The following TCF7L1 variants were observed in gnomAD, a reference collection of about 807,000 sequenced individuals.
TCF7L1 encodes the protein transcription factor 7-like 1.
A neutral mutation model predicts 63.7 loss-of-function variants in TCF7L1; 18 were observed. The observed-to-expected ratio is 0.28, with a 90% CI of 0.20 to 0.42. TCF7L1 has a LOEUF of 0.42. TCF7L1 is among the 10% of genes least tolerant of loss of function. TCF7L1 has a pLI of 1.00. For missense variants in TCF7L1, 654 were observed against 779.3 expected, an observed-to-expected ratio of 0.84 and a Z score of 1.91; for synonymous variants, 355 against 340.9, an observed-to-expected ratio of 1.04 and a Z score of -0.46.
rs369880342 is a variant in TCF7L1 at position 85,133,939 on chromosome 2, G to A, written c.249+6G>A. ...GCAGCAGCTCGGACTCGGAGGTAAG[G>A]AAGCACCGCGGCCACCCCCGGGGGA... is the stretch of plus-strand genomic sequence containing the variant. On this transcript the variant is annotated splice_donor_region_variant and intron_variant, in intron 1 of 11. Coordinates refer to ENST00000282111, the MANE Select transcript of TCF7L1 (RefSeq NM_031283.3). This position sits in a 1 kb window ranked among gnomAD's most constrained non-coding sequence, Gnocchi z 4.4. The A allele has an allele frequency of 1.1e-4, 172 of 1,543,618 alleles. No homozygotes were observed. Among genetic ancestry groups the A allele is most frequent in the South Asian group, 2.1e-4 (17 of 82,280 alleles).
At chr2:85,226,273 G>A (rs929010188) in intron 3 of TCF7L1, among the ~76,000 whole-genome samples, 2 of 152,180 alleles carry the variant, frequency 1.3e-5, no homozygotes, top group Non-Finnish European at 2.9e-5. Context: ...TTTGGTATCA[G>A]GATGATGCTG....
chr2:85,305,746 T>C (rs1219216795), intron 8 of TCF7L1, among the ~76,000 whole-genome samples: 1 of 152,142 alleles, frequency 6.6e-6, no homozygotes, highest in African/African-American at 2.4e-5. Flanking sequence ...TAAGGACTTG[T>C]GGTGGGCTGG....
Position 85,309,085 on chromosome 2 carries a change from C to T in TCF7L1, c.1390C>T (p.Pro464Ser), listed in dbSNP as rs1226557201. The change falls in exon 12 of 12, where the codon CCC (proline) becomes TCC (serine). Residue 464 changes from proline to serine, a missense_variant. By Grantham distance (74) the Pro-to-Ser change is moderately conservative (BLOSUM62 -1). Transcript: ENST00000282111. ...TGTTCAGTACCTGCCCCCCGAGAAG[C>T]CCTGTGACAGCCCTGCCTCCTCCCA... ...PCVQYLPPEKPCDSPASSHGS... is the reference protein window; with the variant it reads ...PCVQYLPPEKSCDSPASSHGS... The T allele has an allele frequency of 6.2e-7, 1 of 1,613,644 alleles. No individual in the cohort carries two copies. The highest frequency in any genetic ancestry group is 2.2e-5 in the East Asian group (1 of 44,870).
At position 85,182,777 on chromosome 2, in the gene TCF7L1, C is replaced by G. The variant is rs1045099329; in HGVS notation, c.441+48327C>G. On this transcript the variant is annotated intron_variant, in intron 3 of 11. Coordinates refer to ENST00000282111, the MANE Select transcript of TCF7L1 (RefSeq NM_031283.3). Reference sequence around the variant, plus strand: ...TCTGCATCAGCACTGCCTGTTCATTCAGGAACCCAGATCTCCCTGTCTAAG... The same window carrying G: ...TCTGCATCAGCACTGCCTGTTCATTGAGGAACCCAGATCTCCCTGTCTAAG... 3.3e-5 allele frequency among the ~76,000 whole-genome samples: 5 copies of G among 152,268 alleles called. No individual in the cohort carries two copies. The South Asian group carries it at 1.0e-3, about 31-fold the overall frequency.
At chr2:85,220,800 A>G (rs1679824576) in intron 3 of TCF7L1, among the ~76,000 whole-genome samples, 1 of 152,242 alleles carries the variant, frequency 6.6e-6, no homozygotes, top group South Asian at 2.1e-4. Context: ...GGTGCTTAAA[A>G]GAGAGAGAAT....
chr2:85,206,568 A>C (rs2104284477), intron 3 of TCF7L1, among the ~76,000 whole-genome samples: 1 of 152,332 alleles, frequency 6.6e-6, no homozygotes, highest in Non-Finnish European at 1.5e-5. Context: ...GTAATCTCAC[A>C]GCTAGCATGT....
At chr2:85,307,424 AC>A (rs776254846) in intron 10 of TCF7L1, among the ~76,000 whole-genome samples, 10 of 151,986 alleles carry the variant, frequency 6.6e-5, no homozygotes, top group Non-Finnish European at 1.2e-4. Context: ...AGGCCTGGAC[AC>A]CCGACCTGGA....
intron 3 of TCF7L1, among the ~76,000 whole-genome samples, chr2:85,198,134 A>G (rs1444434922): frequency 6.6e-6 from 1 of 152,216 alleles, no homozygotes; most frequent in Non-Finnish European, 1.5e-5. Context: ...AAGTTGACCA[A>G]CAACCTTCAG....
rs140666800 is a variant in TCF7L1 at position 85,262,524 on chromosome 2, A to G, written c.442-20971A>G. On this transcript the variant is annotated intron_variant, in intron 3 of 11. Coordinates refer to ENST00000282111, the MANE Select transcript of TCF7L1 (RefSeq NM_031283.3). ...AAGGAGTCTGTAGAGGCTGCTGTCA[A>G]GTCCAGGGTAAAAACACGAGCATTT... Among the ~76,000 whole-genome samples, 1,173 of 152,316 alleles carry G rather than the reference A, an allele frequency of 7.7e-3. 14 individuals are homozygous for G. Among genetic ancestry groups the G allele is most frequent in the African/African-American group, 0.027 (1,129 of 41,560 alleles).
intron 4 of TCF7L1, among the ~76,000 whole-genome samples, chr2:85,294,197 C>T (rs994952771): frequency 1.3e-5 from 2 of 151,770 alleles, no homozygotes; most frequent in African/African-American, 4.8e-5. Flanking sequence ...CCACCACGCC[C>T]GGCTAATTTT....
At chr2:85,198,061 T>C (rs1679196188) in intron 3 of TCF7L1, among the ~76,000 whole-genome samples, 1 of 152,204 alleles carries the variant, frequency 6.6e-6, no homozygotes, top group Admixed American at 6.5e-5. Flanking sequence ...AAGACCTTTA[T>C]TGCTACAAAG....
In TCF7L1 at chr2:85,308,793, G is replaced by A. The variant is rs76255126; in HGVS notation, c.1334-236G>A. Among the ~76,000 whole-genome samples the A allele has an allele frequency of 5.4e-3, 819 of 152,204 alleles. 10 individuals carry two copies. Among genetic ancestry groups the A allele is most frequent in the African/African-American group, 0.019 (782 of 41,518 alleles). On this transcript the variant is annotated intron_variant, in intron 11 of 11. Transcript: ENST00000282111. ...GGGTGGTCCTGTGAGACACTGAGCCGTCTTCTCTCCGATCTGATGCTGGGT... is the reference window on the plus strand; with the variant it reads ...GGGTGGTCCTGTGAGACACTGAGCCATCTTCTCTCCGATCTGATGCTGGGT...
At chr2:85,229,505 A>C (rs1185124791) in intron 3 of TCF7L1, among the ~76,000 whole-genome samples, 1 of 152,232 alleles carries the variant, frequency 6.6e-6, no homozygotes, top group Non-Finnish European at 1.5e-5. Flanking sequence ...CTATTCTGAC[A>C]GGACACTAGG....
At chr2:85,157,804 G>A (rs1263707746) in intron 3 of TCF7L1, among the ~76,000 whole-genome samples, 2 of 152,250 alleles carry the variant, frequency 1.3e-5, no homozygotes, top group African/African-American at 4.8e-5. Flanking sequence ...GACCAGGGGA[G>A]CTGGGTAGGG....
chr2:85,140,081 C>A (rs1677688042), intron 3 of TCF7L1, among the ~76,000 whole-genome samples: 1 of 152,092 alleles, frequency 6.6e-6, no homozygotes. Flanking sequence ...TTGTCTGTAC[C>A]TCTTTGGGGA....
At chr2:85,295,429 G>A (rs1325973385) in intron 4 of TCF7L1, among the ~76,000 whole-genome samples, 5 of 152,078 alleles carry the variant, frequency 3.3e-5, no homozygotes, top group South Asian at 2.1e-4. Flanking sequence ...TCGAACTCCC[G>A]ACCTCAGGTG....
chr2:85,135,374 C>T (rs565002541), intron 3 of TCF7L1, among the ~76,000 whole-genome samples: 2 of 152,244 alleles, frequency 1.3e-5, no homozygotes, highest in South Asian at 4.1e-4. Flanking sequence ...CTACTGTGTG[C>T]CAGGTTCCCG....
At position 85,273,789 on chromosome 2, in the gene TCF7L1, G is replaced by A. The variant is rs192637165; in HGVS notation, c.442-9706G>A. Among the ~76,000 whole-genome samples, 90 of 152,316 alleles carry A rather than the reference G, an allele frequency of 5.9e-4. No homozygotes were observed. The Middle Eastern group carries it at 0.02, about 35-fold the overall frequency. On this transcript the variant is annotated intron_variant, in intron 3 of 11. Transcript: ENST00000282111. ...CGGTTATGGCACCTCCTGTAACCCA[G>A]GAGGAGGCAGCTCTGTGGGGATGGC...
chr2:85,301,861 C>T (rs571109631), intron 4 of TCF7L1, among the ~76,000 whole-genome samples: 43 of 152,298 alleles, frequency 2.8e-4, no homozygotes, highest in Middle Eastern at 6.8e-3. Flanking sequence ...CGCAGTGGTT[C>T]ACACCTGTAA....
Sources: allele counts gnomAD v4.1 joint callset (sites outside exome capture counted in the v4.1 genomes callset), GRCh38; gene constraint gnomAD v4.1.1; non-coding constraint Gnocchi (gnomAD v3.1); transcripts MANE v1.5; gene names NCBI Gene and HGNC (gene_info 2026-07-23, HGNC 2026-07-21).